The following DLGAP2 variants were observed in gnomAD, a reference collection of about 807,000 sequenced individuals.
DLGAP2 encodes DLG associated protein 2, also known as disks large-associated protein 2.
In DLGAP2, 26 loss-of-function variants were observed where a neutral mutation model predicts 100.3. That is an observed-to-expected ratio of 0.26 (90% confidence interval 0.19 to 0.36). The LOEUF is 0.36. DLGAP2 is among the 10% of genes least tolerant of loss of function. DLGAP2 has a pLI of 1.00. For missense variants in DLGAP2, 1,858 were observed against 1,453.2 expected, an observed-to-expected ratio of 1.28 and a Z score of -4.53; for synonymous variants, 886 against 630.1, an observed-to-expected ratio of 1.41 and a Z score of -6.08.
At chr8:1,227,274 A>T in intron 2 of DLGAP2, among the ~76,000 whole-genome samples, 1 of 144,132 alleles carries the variant, frequency 6.9e-6, no homozygotes, top group Admixed American at 6.7e-5. Context: ...TATAAAAATA[A>T]GATCCTTATG....
intron 2 of DLGAP2, among the ~76,000 whole-genome samples, chr8:1,231,896 C>A (rs1214558389): frequency 2.0e-5 from 3 of 152,146 alleles, no homozygotes; most frequent in South Asian, 2.1e-4. Flanking sequence ...CCCCAAATCT[C>A]AGCATCCTAC....
chr8:1,197,572 C>T (rs1272654814), intron 2 of DLGAP2, among the ~76,000 whole-genome samples: 1 of 152,182 alleles, frequency 6.6e-6, no homozygotes, highest in African/African-American at 2.4e-5. Context: ...TCCAGGCCAC[C>T]AGCTGTCCAC....
chr8:1,179,118 G>C (rs186362046), intron 2 of DLGAP2, among the ~76,000 whole-genome samples: 91 of 152,262 alleles, frequency 6.0e-4, no homozygotes, highest in African/African-American at 2.1e-3. Flanking sequence ...ACCTGTTTAC[G>C]ATACCAAAGT....
intron 3 of DLGAP2, among the ~76,000 whole-genome samples, chr8:1,483,315 G>C (rs1764457368): frequency 6.6e-6 from 1 of 152,214 alleles, no homozygotes; most frequent in Non-Finnish European, 1.5e-5. Flanking sequence ...GGAAGTGAGC[G>C]TGGCGGGCAG....
chr8:1,582,879 A>G (rs1409552109), intron 6 of DLGAP2, among the ~76,000 whole-genome samples: 2 of 152,124 alleles, frequency 1.3e-5, no homozygotes, highest in Non-Finnish European at 2.9e-5. Flanking sequence ...TTCTTTAAGC[A>G]TGGCTCTGAA....
chr8:1,681,474 A>G, intron 12 of DLGAP2, among the ~76,000 whole-genome samples: 1 of 152,082 alleles, frequency 6.6e-6, no homozygotes, highest in South Asian at 2.1e-4. Context: ...CTCTACCAAA[A>G]AAAATAATAA....
At position 1,697,129 on chromosome 8, in the gene DLGAP2, C is replaced by T. The variant is rs770753647; in HGVS notation, c.2797-18C>T. On this transcript the variant is annotated intron_variant, in intron 13 of 14. Transcript: ENST00000637795. The stretch of plus-strand genomic sequence containing the variant: ...CAGGAGACTCTCCTGGCTCTGAACA[C>T]CCTGTGTGTGTCCCCAGGACCCCAG... 1.3e-6 allele frequency: 2 copies of T among 1,549,232 alleles called. No individual in the cohort carries two copies. Among genetic ancestry groups the T allele is most frequent in the Non-Finnish European group, 1.7e-6 (2 of 1,146,218 alleles).
Position 1,075,603 on chromosome 8 carries a change from G to A in DLGAP2, c.73+167637G>A, listed in dbSNP as rs957623144. 7.2e-5 allele frequency among the ~76,000 whole-genome samples: 11 copies of A among 152,284 alleles called. No homozygotes were observed. The South Asian group carries it at 1.5e-3, about 20-fold the overall frequency. On this transcript the variant is annotated intron_variant, in intron 2 of 14. Transcript: ENST00000637795. ...TCTGAGGACAAGTTAGACATACTGCGCACTGGTTGAGGTCTTTGTATGTGA... is the reference window on the plus strand; with the variant it reads ...TCTGAGGACAAGTTAGACATACTGCACACTGGTTGAGGTCTTTGTATGTGA...
At chr8:1,180,952 G>C (rs1307765078) in intron 2 of DLGAP2, among the ~76,000 whole-genome samples, 1 of 107,110 alleles carries the variant, frequency 9.3e-6, no homozygotes, top group African/African-American at 3.9e-5. Context: ...TCGAGTGTGG[G>C]TGGCTGTGCA....
intron 3 of DLGAP2, among the ~76,000 whole-genome samples, chr8:1,497,762 G>C (rs949249678): frequency 6.6e-6 from 1 of 152,202 alleles, no homozygotes; most frequent in Non-Finnish European, 1.5e-5. Flanking sequence ...AGTCCCCGCT[G>C]TCCACGGGGA....
chr8:898,157 A>G (rs1392948755), intron 1 of DLGAP2, among the ~76,000 whole-genome samples: 1 of 152,230 alleles, frequency 6.6e-6, no homozygotes, highest in Non-Finnish European at 1.5e-5. Context: ...GCGCTCAGTC[A>G]GCCGCTGAGG....
intron 2 of DLGAP2, among the ~76,000 whole-genome samples, chr8:1,227,727 A>C (rs1430168534): frequency 6.6e-6 from 1 of 152,174 alleles, no homozygotes; most frequent in Non-Finnish European, 1.5e-5. Flanking sequence ...TAAAGAGATA[A>C]AACTAGTTAT....
intron 12 of DLGAP2, chr8:1,688,486 T>A (rs888971528): frequency 1.2e-4 from 18 of 152,214 alleles, no homozygotes; most frequent in African/African-American, 4.3e-4. Flanking sequence ...GGAACTATTG[T>A]CACCTTCGTG....
At chr8:920,602 T>G (rs1382157765) in intron 2 of DLGAP2, among the ~76,000 whole-genome samples, 1 of 151,838 alleles carries the variant, frequency 6.6e-6, no homozygotes, top group Non-Finnish European at 1.5e-5. Context: ...CTAAAAACAA[T>G]TAGCCAGGTG....
At chr8:1,241,479 A>T (rs1798795583) in intron 2 of DLGAP2, among the ~76,000 whole-genome samples, 1 of 151,900 alleles carries the variant, frequency 6.6e-6, no homozygotes, top group South Asian at 2.1e-4. Flanking sequence ...TTCTTCCTTG[A>T]CGTTACTGCA....
chr8:786,669 G>A (rs1404186248), intron 1 of DLGAP2, among the ~76,000 whole-genome samples: 1 of 152,136 alleles, frequency 6.6e-6, no homozygotes, highest in Admixed American at 6.5e-5. Context: ...TCCGGGGAGG[G>A]GCCTCGCTGC....
chr8:1,022,369 C>T (rs1441650773), intron 2 of DLGAP2, among the ~76,000 whole-genome samples: 1 of 148,534 alleles, frequency 6.7e-6, no homozygotes, highest in Non-Finnish European at 1.5e-5. Flanking sequence ...CACCACCCAC[C>T]CTCCCTGGGA....
chr8:1,536,413 C>G (rs1387502277), intron 4 of DLGAP2, among the ~76,000 whole-genome samples: 1 of 152,156 alleles, frequency 6.6e-6, no homozygotes, highest in Non-Finnish European at 1.5e-5. Flanking sequence ...AAAGGATTAT[C>G]TAACATCCAT....
At chr8:1,363,202 G>A (rs1209070468) in intron 3 of DLGAP2, among the ~76,000 whole-genome samples, 2 of 152,252 alleles carry the variant, frequency 1.3e-5, no homozygotes, top group Admixed American at 1.3e-4. Flanking sequence ...TCCTTTCTGG[G>A]AAAGAAATGG....
Sources: allele counts gnomAD v4.1 joint callset (sites outside exome capture counted in the v4.1 genomes callset), GRCh38; gene constraint gnomAD v4.1.1; transcripts MANE v1.5; gene names NCBI Gene and HGNC (gene_info 2026-07-23, HGNC 2026-07-21).